Variants in DECR1 observed in about 807,000 individuals in gnomAD.
DECR1 encodes 2,4-dienoyl-CoA reductase [(3E)-enoyl-CoA-producing], mitochondrial.
Under a neutral mutation model 38.8 loss-of-function variants are expected in DECR1, and 44 were observed. The observed-to-expected ratio is 1.13, with a 90% confidence interval of 0.89 to 1.46. DECR1 has a LOEUF of 1.46. DECR1 is among the 40% of genes most tolerant of loss of function. DECR1 has a pLI of 0.00. For missense variants in DECR1, 428 were observed against 405.5 expected (o/e 1.06, Z -0.48); for synonymous variants, 148 against 135.2 (o/e 1.09, Z -0.66).
intron 5 of DECR1, 110 bp from the exon 6 acceptor site, chr8:90,036,731 A>G: frequency 1.6e-6 from 1 of 636,026 alleles, no homozygotes; most frequent in Non-Finnish European, 2.6e-6. Context: ...AAAATACTTT[A>G]GTTTTTCTTA....
chr8:90,049,673 C>G (rs1034724422), intron 8 of DECR1, among the ~76,000 whole-genome samples: 1 of 152,186 alleles, frequency 6.6e-6, no homozygotes, highest in African/African-American at 2.4e-5. Flanking sequence ...TTGGAAAAAA[C>G]TACTTTTAAA....
chr8:90,041,560 T>C (rs1813764008), intron 6 of DECR1, among the ~76,000 whole-genome samples: 1 of 152,210 alleles, frequency 6.6e-6, no homozygotes, highest in Non-Finnish European at 1.5e-5. Flanking sequence ...GAGATTGTTA[T>C]ACTGTACAAT....
intron 8 of DECR1, among the ~76,000 whole-genome samples, chr8:90,047,814 C>G (rs1046319667): frequency 6.6e-6 from 1 of 152,178 alleles, no homozygotes; most frequent in African/African-American, 2.4e-5. Context: ...TGTAAAAGAA[C>G]AGAAATTATA....
chr8:90,030,396 AGG>A (rs1184429677), intron 5 of DECR1: 1 of 152,188 alleles, frequency 6.6e-6, no homozygotes. Context: ...TTCTTTTATC[AGG>A]GTGCATTACT....
intron 2 of DECR1, 87 bp from the exon 3 acceptor site, chr8:90,018,822 T>G (rs1343970012): frequency 9.4e-7 from 1 of 1,059,062 alleles, no homozygotes; most frequent in Non-Finnish European, 1.4e-6. Context: ...TCAGAAATGC[T>G]TTTCTTTAAG....
chr8:90,037,058 C>T, intron 6 of DECR1, 118 bp downstream of exon 6: 1 of 665,680 alleles, frequency 1.5e-6, no homozygotes, highest in South Asian at 1.9e-5. Flanking sequence ...GACTTGGATT[C>T]ACCATGAGAC....
intron 6 of DECR1, among the ~76,000 whole-genome samples, chr8:90,038,648 G>A (rs1025068592): frequency 4.6e-5 from 7 of 151,874 alleles, no homozygotes; most frequent in African/African-American, 1.7e-4. Context: ...AGTAGAGATG[G>A]GATTTCCTCC....
rs371910028 is a variant in DECR1 at position 90,001,878 on chromosome 8, G to A, written c.69+317G>A. On this transcript the variant is annotated intron_variant, in intron 1 of 9. Transcript: ENST00000220764. ...CGAGAGAGAGGACAGGACGTCTCGG[G>A]GCGCAAGAGAAAGGGCAGGAAGTCT... 5.3e-5 allele frequency among the ~76,000 whole-genome samples: 8 copies of A among 151,646 alleles called. No homozygotes were observed. In the East Asian group the frequency reaches 1.2e-3, roughly 22 times the overall value.
At position 90,044,926 on chromosome 8, in the gene DECR1, G is replaced by A; in HGVS notation, c.816G>A (p.Gly272=). ...GCAGAATTCCCTGTGGTCGCCTGGG[G>A]ACTGTAGAAGAACTCGCAAATCTTG... is the stretch of plus-strand genomic sequence containing the variant. ...MIGRIPCGRL[G]TVEELANLAA... The change falls in exon 8 of 10, where the codon GGG becomes GGA. Residue 272 remains glycine, a synonymous_variant. Transcript: ENST00000220764. 1.2e-6 allele frequency: 2 copies of A among 1,613,792 alleles called. No individual in the cohort carries two copies. The highest frequency in any genetic ancestry group is 1.7e-6 in the Non-Finnish European group (2 of 1,179,804).
chr8:90,035,655 C>G (rs1362192808), intron 5 of DECR1, among the ~76,000 whole-genome samples: 2 of 151,922 alleles, frequency 1.3e-5, no homozygotes, highest in Non-Finnish European at 2.9e-5. Context: ...TTCTGGGACT[C>G]TTTGTCTATT....
rs1470198201 is a variant in DECR1 at position 90,044,830 on chromosome 8, T to A, written c.739-19T>A. 1 of 1,599,192 alleles carries A rather than the reference T, an allele frequency of 6.3e-7. No individual in the cohort carries two copies. Among genetic ancestry groups the A allele is most frequent in the African/African-American group, 1.4e-5 (1 of 73,870 alleles). ...ATTGAAAAACCCGACACAACCTAAT[T>A]GTTTTCTTAATTTCTAAGGGTGCCT... On this transcript the variant is annotated intron_variant, in intron 7 of 9. Transcript: ENST00000220764.
At chr8:90,027,200 T>A (rs1813370258) in intron 5 of DECR1, among the ~76,000 whole-genome samples, 1 of 152,186 alleles carries the variant, frequency 6.6e-6, no homozygotes, top group Non-Finnish European at 1.5e-5. Flanking sequence ...TATAGTCTGT[T>A]GATTTGGGGT....
At chr8:90,033,318 C>G (rs542406201) in intron 5 of DECR1, among the ~76,000 whole-genome samples, 1 of 152,196 alleles carries the variant, frequency 6.6e-6, no homozygotes, top group African/African-American at 2.4e-5. Context: ...AAAGGATGGA[C>G]TAACATAATA....
At chr8:90,010,203 A>G (rs1812847809) in intron 1 of DECR1, among the ~76,000 whole-genome samples, 1 of 152,146 alleles carries the variant, frequency 6.6e-6, no homozygotes, top group Non-Finnish European at 1.5e-5. Flanking sequence ...TGCTTAAGCA[A>G]TCTACACAGT....
chr8:90,034,690 G>T (rs946493519), intron 5 of DECR1, among the ~76,000 whole-genome samples: 6 of 152,092 alleles, frequency 3.9e-5, no homozygotes, highest in Non-Finnish European at 8.8e-5. Context: ...GACCTCAGGT[G>T]ATTTGCTCCC....
intron 1 of DECR1, among the ~76,000 whole-genome samples, chr8:90,011,217 T>C (rs574038230): frequency 4.6e-5 from 7 of 152,178 alleles, no homozygotes; most frequent in East Asian, 1.9e-4. Flanking sequence ...CAAATACTTA[T>C]TGAATAATTA....
chr8:90,012,040 T>C (rs916029341), intron 1 of DECR1, among the ~76,000 whole-genome samples: 2 of 152,188 alleles, frequency 1.3e-5, no homozygotes, highest in Non-Finnish European at 2.9e-5. Context: ...GTTATAAATA[T>C]GGTCGTATAT....
chr8:90,011,306 A>G (rs766322996), intron 1 of DECR1, among the ~76,000 whole-genome samples: 8 of 152,210 alleles, frequency 5.3e-5, no homozygotes, highest in Non-Finnish European at 7.4e-5. Context: ...ATAGATCCAT[A>G]TAACTGTATT....
At chr8:90,027,919 T>C (rs1813394573) in intron 5 of DECR1, among the ~76,000 whole-genome samples, 1 of 152,156 alleles carries the variant, frequency 6.6e-6, no homozygotes, top group African/African-American at 2.4e-5. Flanking sequence ...ATTCCTAGGC[T>C]GAATCTTCCT....
Sources: gnomAD v4.1 joint callset for allele counts (sites outside exome capture counted in the v4.1 genomes callset) on GRCh38, gnomAD v4.1.1 for gene constraint, MANE v1.5 for transcripts, NCBI Gene and HGNC (gene_info 2026-07-23, HGNC 2026-07-21) for gene names.